The following ARPC4 variants were observed in gnomAD, a reference collection of about 807,000 sequenced individuals.
ARPC4 encodes the protein actin-related protein 2/3 complex subunit 4.
ARPC4 carries 3 observed loss-of-function variants against 22.8 expected under a neutral mutation model. The observed-to-expected ratio is 0.13, with a 90% CI of 0.06 to 0.34. ARPC4 has a LOEUF of 0.34. Among genes scored for constraint, ARPC4 ranks in the 10% least tolerant of loss-of-function variants. The pLI is 1.00. For missense variants in ARPC4, 98 were observed against 211.0 expected (o/e 0.46, Z 3.32); for synonymous variants, 80 against 72.5 (o/e 1.10, Z -0.52).
In ARPC4 at chr3:9,806,508, C is replaced by A; in HGVS notation, c.*293C>A. 6.7e-6 allele frequency: 3 copies of A among 450,932 alleles called. No individual in the cohort carries two copies. Among genetic ancestry groups the A allele is most frequent in the Non-Finnish European group, 7.8e-6 (2 of 255,258 alleles). 27.9% of individuals were successfully genotyped at this position (450,932 alleles called of 1,614,324 possible). A position where few individuals can be genotyped will look rare whatever the true frequency, so the allele number is the denominator to read the frequency against. On this transcript the variant is annotated 3_prime_UTR_variant, in exon 6 of 6. Coordinates refer to ENST00000397261, the MANE Select transcript of ARPC4 (RefSeq NM_005718.5). The stretch of plus-strand genomic sequence containing the variant: ...CTCTGTGCTTGTAGGATACTGTAAC[C>A]TTTTTGTCTTTTTTTTTTTTTTTTT...
chr3:9,804,720 C>T (rs1472397900), intron 5 of ARPC4, among the ~76,000 whole-genome samples: 2 of 152,182 alleles, frequency 1.3e-5, no homozygotes, highest in Admixed American at 6.5e-5. Context: ...GTACTCCCAC[C>T]AGTAAGTACA....
At chr3:9,804,354 T>G (rs1300806755) in intron 5 of ARPC4, 1 of 206,462 alleles carries the variant, frequency 4.8e-6, no homozygotes, top group Non-Finnish European at 9.8e-6. Context: ...TGCATGTGAA[T>G]TTTCTAGGAG....
chr3:9,802,771 TC>T (rs1232338724), intron 4 of ARPC4, among the ~76,000 whole-genome samples: 1 of 150,836 alleles, frequency 6.6e-6, no homozygotes, highest in African/African-American at 2.4e-5. Flanking sequence ...ACCTCCCAGG[TC>T]AAGTGATTCT....
chr3:9,805,089 A>C (rs1426775024), intron 5 of ARPC4, among the ~76,000 whole-genome samples: 1 of 152,204 alleles, frequency 6.6e-6, no homozygotes, highest in African/African-American at 2.4e-5. Context: ...CCAAAATTTT[A>C]TGGCCAGGAT....
At chr3:9,799,436 A>C (rs978388537) in intron 2 of ARPC4, among the ~76,000 whole-genome samples, 2 of 151,964 alleles carry the variant, frequency 1.3e-5, no homozygotes, top group African/African-American at 4.8e-5. Flanking sequence ...AGCACTCGGA[A>C]ACTTTCAGGT....
At chr3:9,801,213 A>G (rs111467268) in intron 3 of ARPC4, among the ~76,000 whole-genome samples, 3 of 12,648 alleles carry the variant, frequency 2.4e-4, no homozygotes, top group African/African-American at 1.2e-3. Context: ...TCCATCTCAG[A>G]AAAAAAAAAA....
chr3:9,797,915 G>A, intron 2 of ARPC4, 138 bp downstream of exon 2: 3 of 901,234 alleles, frequency 3.3e-6, no homozygotes, highest in Non-Finnish European at 4.9e-6. Flanking sequence ...CCAGCTGAAT[G>A]GTGATTCCCA....
intron 2 of ARPC4, among the ~76,000 whole-genome samples, chr3:9,799,651 C>T (rs1400087434): frequency 6.6e-6 from 1 of 152,092 alleles, no homozygotes; most frequent in Non-Finnish European, 1.5e-5. Context: ...CCATGTTGGC[C>T]AGGCTGGTCT....
chr3:9,792,667 C>T, upstream of ARPC4: 1 of 1,232,600 alleles, frequency 8.1e-7, no homozygotes, highest in Non-Finnish European at 1.0e-6. Flanking sequence ...CCGAGATCTC[C>T]GCGCTGCAGT....
chr3:9,792,726 G>A (rs778335537), upstream of ARPC4: 1 of 1,236,272 alleles, frequency 8.1e-7, no homozygotes, highest in Non-Finnish European at 1.0e-6. Flanking sequence ...CGAGAGAAAG[G>A]ATGGGGGTAC....
upstream of ARPC4, chr3:9,792,701 T>C (rs1357331642): frequency 8.1e-7 from 1 of 1,233,326 alleles, no homozygotes; most frequent in Non-Finnish European, 1.0e-6. Flanking sequence ...CGCCAGGAGC[T>C]GCGGGTAGGA....
intron 2 of ARPC4, chr3:9,799,929 A>G (rs1327698574): frequency 1.2e-5 from 7 of 602,368 alleles, no homozygotes; most frequent in Middle Eastern, 2.6e-4. Context: ...GAGAAAATTG[A>G]GATTCCAACA....
chr3:9,803,175 G>T (rs577675800), intron 4 of ARPC4, among the ~76,000 whole-genome samples: 27 of 152,344 alleles, frequency 1.8e-4, no homozygotes, highest in East Asian at 1.7e-3. Flanking sequence ...GAGCCACCGC[G>T]CCCGGCCCAC....
chr3:9,794,912 G>A (rs2078849194), intron 1 of ARPC4, among the ~76,000 whole-genome samples: 1 of 152,134 alleles, frequency 6.6e-6, no homozygotes, highest in South Asian at 2.1e-4. Flanking sequence ...ACATTTGAGA[G>A]TCAACCATGT....
In ARPC4 at chr3:9,803,872, C is replaced by T. The variant is rs1323183338; in HGVS notation, c.360C>T (p.Asn120=). 1.9e-6 allele frequency: 3 copies of T among 1,614,104 alleles called. No individual in the cohort carries two copies. Among genetic ancestry groups the T allele is most frequent in the African/African-American group, 1.3e-5 (1 of 74,932 alleles). Residue 120 remains asparagine, a synonymous_variant, in exon 5 of 6, where the codon AAC becomes AAT. Transcript: ENST00000397261. ...EGYDISFLIT[N]FHTEQMYKHK... The stretch of plus-strand genomic sequence containing the variant: ...ATGATATCAGCTTTCTGATCACCAA[C>T]TTCCACACAGAGCAGATGTACAAAC...
upstream of ARPC4, chr3:9,792,805 G>A (rs2078774254): frequency 1.5e-6 from 2 of 1,333,874 alleles, no homozygotes; most frequent in East Asian, 3.1e-5. Context: ...CTGAAGCTGG[G>A]CTGTACCATT....
intron 4 of ARPC4, 117 bp from the exon 5 acceptor site, chr3:9,803,726 G>C: frequency 8.5e-7 from 1 of 1,175,304 alleles, no homozygotes; most frequent in Non-Finnish European, 1.2e-6. Context: ...CTTGGGAGAA[G>C]ATCACAGCCA....
intron 2 of ARPC4, among the ~76,000 whole-genome samples, chr3:9,798,707 C>T (rs955500339): frequency 1.6e-4 from 25 of 152,008 alleles, no homozygotes; most frequent in African/African-American, 5.8e-4. Context: ...AACCTTGTCT[C>T]TACTAAAAAT....
intron 1 of ARPC4, 146 bp downstream of exon 1, chr3:9,793,270 A>G (rs2125632881): frequency 7.4e-7 from 1 of 1,354,912 alleles, no homozygotes; most frequent in Non-Finnish European, 9.7e-7. Flanking sequence ...GGAAAAAGAG[A>G]CGGGGCGGGG....
Sources: gnomAD v4.1 joint callset for allele counts (sites outside exome capture counted in the v4.1 genomes callset) on GRCh38, gnomAD v4.1.1 for gene constraint, MANE v1.5 for transcripts, NCBI Gene and HGNC (gene_info 2026-07-23, HGNC 2026-07-21) for gene names.